The following CNTNAP5 variants were observed in gnomAD, a reference collection of about 807,000 sequenced individuals.
The protein encoded by CNTNAP5 is contactin-associated protein-like 5.
In CNTNAP5, 72 loss-of-function variants were observed where a neutral mutation model predicts 150.2. The ratio of observed to expected loss-of-function variants is 0.48; its 90% CI spans 0.40 to 0.58. The LOEUF is 0.58. CNTNAP5 is among the 20% of genes least tolerant of loss of function. The pLI is 0.00. For synonymous variants in CNTNAP5, 672 were observed against 619.8 expected (o/e 1.08, Z -1.25); for missense variants, 1,636 against 1,626.2 (o/e 1.01, Z -0.10).
chr2:124,215,178 T>A (rs980751061), intron 1 of CNTNAP5, among the ~76,000 whole-genome samples: 1 of 152,186 alleles, frequency 6.6e-6, no homozygotes, highest in South Asian at 2.1e-4. Context: ...AAGTGTGCAA[T>A]GCTAAGAGGA....
chr2:124,223,792 A>G (rs2104743353), intron 2 of CNTNAP5, among the ~76,000 whole-genome samples: 1 of 151,594 alleles, frequency 6.6e-6, no homozygotes, highest in East Asian at 2.0e-4. Flanking sequence ...AGGCTAGCAT[A>G]AATGTACAGA....
At chr2:124,050,389 G>A (rs773801551) in intron 1 of CNTNAP5, among the ~76,000 whole-genome samples, 1 of 151,984 alleles carries the variant, frequency 6.6e-6, no homozygotes, top group Admixed American at 6.6e-5. Flanking sequence ...GCTTGAGTCC[G>A]GGAGGTGGAG....
At chr2:124,359,366 T>C (rs1473926042) in intron 3 of CNTNAP5, among the ~76,000 whole-genome samples, 1 of 151,836 alleles carries the variant, frequency 6.6e-6, no homozygotes, top group Non-Finnish European at 1.5e-5. Flanking sequence ...GTGTTTGCTC[T>C]TGCTTTTCTC....
intron 2 of CNTNAP5, among the ~76,000 whole-genome samples, chr2:124,228,528 C>T (rs746801027): frequency 6.6e-6 from 1 of 152,112 alleles, no homozygotes; most frequent in African/African-American, 2.4e-5. Context: ...TATAAGTTAG[C>T]ATGTGACAAC....
At chr2:124,463,914 G>T (rs1178427246) in intron 6 of CNTNAP5, among the ~76,000 whole-genome samples, 1 of 152,074 alleles carries the variant, frequency 6.6e-6, no homozygotes, top group Non-Finnish European at 1.5e-5. Flanking sequence ...CAGTCAAGCT[G>T]CTAAACCTCT....
intron 1 of CNTNAP5, among the ~76,000 whole-genome samples, chr2:124,100,942 C>T (rs1683049317): frequency 6.6e-6 from 1 of 150,464 alleles, no homozygotes. Flanking sequence ...AATCAAGATT[C>T]TCAATTCTTA....
Position 124,760,512 on chromosome 2 carries a change from T to A in CNTNAP5, c.2235-3160T>A, listed in dbSNP as rs559846779. On this transcript the variant is annotated intron_variant, in intron 14 of 23. Transcript: ENST00000682447. ...TTGGTGAAATACCAAAATTCAGATA[T>A]TTAAACTTAGAGAAGACCACATTGA... Among the ~76,000 whole-genome samples the A allele has an allele frequency of 1.3e-3, 205 of 152,128 alleles. 1 individual carries two copies. Among genetic ancestry groups the A allele is most frequent in the Non-Finnish European group, 2.4e-3 (165 of 67,976 alleles).
chr2:124,356,838 G>C (rs1165820088), intron 3 of CNTNAP5, among the ~76,000 whole-genome samples: 9 of 151,130 alleles, frequency 6.0e-5, no homozygotes, highest in Admixed American at 4.6e-4. Flanking sequence ...GGGATGGCTG[G>C]GTCAAATGGT....
At chr2:124,311,796 T>G (rs1396688700) in intron 3 of CNTNAP5, among the ~76,000 whole-genome samples, 1 of 152,210 alleles carries the variant, frequency 6.6e-6, no homozygotes, top group African/African-American at 2.4e-5. Flanking sequence ...AACTCTATAC[T>G]AGGCTCTGGT....
intron 6 of CNTNAP5, among the ~76,000 whole-genome samples, chr2:124,448,401 G>A (rs180768147): frequency 1.4e-3 from 218 of 152,054 alleles, no homozygotes; most frequent in African/African-American, 5.1e-3. Flanking sequence ...TTTAACTAAA[G>A]GTGCTCTGGA....
intron 1 of CNTNAP5, among the ~76,000 whole-genome samples, chr2:124,106,648 C>G (rs1255886732): frequency 6.6e-6 from 1 of 152,162 alleles, no homozygotes; most frequent in African/African-American, 2.4e-5. Flanking sequence ...TGTTCCTCAG[C>G]TATGTCCTTG....
rs776439837 is a variant in CNTNAP5, at chr2:124,563,217, G to T, written c.1650G>T (p.Arg550Ser). 3.2e-6 allele frequency: 5 copies of T among 1,573,546 alleles called. No homozygotes were observed. The African/African-American group carries it at 5.4e-5, about 17-fold the overall frequency. ...TTTCATTTATGTTTTCTTCCATTAG[G>T]TGTTTGCCAAACTACTGTGAACATG... is the stretch of plus-strand genomic sequence containing the variant. Reference protein sequence around the residue: ...LHIDLCSIKDRCLPNYCEHGG... With the variant: ...LHIDLCSIKDSCLPNYCEHGG... The change falls in exon 11 of 24, where the codon AGG becomes AGT. Residue 550 changes from arginine to serine, a missense_variant and splice_region_variant. Physicochemically the swap from Arg to Ser is moderately radical, Grantham distance 110. Transcript: ENST00000682447.
At chr2:124,845,512 G>A (rs1200338845) in intron 19 of CNTNAP5, among the ~76,000 whole-genome samples, 1 of 151,470 alleles carries the variant, frequency 6.6e-6, no homozygotes, top group Non-Finnish European at 1.5e-5. Flanking sequence ...AGTGATTTAG[G>A]AAGGATGCCT....
intron 10 of CNTNAP5, among the ~76,000 whole-genome samples, chr2:124,548,597 G>A (rs1024922914): frequency 6.6e-6 from 1 of 151,984 alleles, no homozygotes; most frequent in African/African-American, 2.4e-5. Flanking sequence ...TTAGCAATGT[G>A]CAAACCAAAT....
intron 6 of CNTNAP5, among the ~76,000 whole-genome samples, chr2:124,473,044 GAAA>G (rs1177094416): frequency 6.6e-6 from 1 of 151,924 alleles, no homozygotes; most frequent in Non-Finnish European, 1.5e-5. Flanking sequence ...TCTGGTTAAA[GAAA>G]ATATACCAGC....
intron 1 of CNTNAP5, among the ~76,000 whole-genome samples, chr2:124,036,657 G>T (rs1417708762): frequency 6.6e-6 from 1 of 152,134 alleles, no homozygotes; most frequent in East Asian, 1.9e-4. Flanking sequence ...GGAGATTAGA[G>T]ATAAAGTTAA....
intron 13 of CNTNAP5, among the ~76,000 whole-genome samples, chr2:124,675,504 T>C (rs1416359546): frequency 6.6e-6 from 1 of 152,164 alleles, no homozygotes; most frequent in Non-Finnish European, 1.5e-5. Flanking sequence ...TTTCTACTTC[T>C]TTATTGGAGT....
At position 124,122,825 on chromosome 2, in the gene CNTNAP5, T is replaced by C. The variant is rs1481597677; in HGVS notation, c.82+97093T>C. Among the ~76,000 whole-genome samples, 3 of 151,462 alleles carry C rather than the reference T, an allele frequency of 2.0e-5. No homozygotes were observed. The East Asian group carries it at 5.8e-4, about 29-fold the overall frequency. The stretch of plus-strand genomic sequence containing the variant: ...CTTTTCCCAGCTAACAGGGAGCAGA[T>C]TGCTTTTGGAACTGAGGGCTCTTTG... On this transcript the variant is annotated intron_variant, in intron 1 of 23. Transcript: ENST00000682447.
intron 3 of CNTNAP5, among the ~76,000 whole-genome samples, chr2:124,336,565 C>T (rs1488063967): frequency 7.4e-6 from 1 of 135,428 alleles, no homozygotes; most frequent in Non-Finnish European, 1.5e-5. Flanking sequence ...TGATGTTCCC[C>T]TTCCTGTGTC....
Sources: gnomAD v4.1 joint callset for allele counts (sites outside exome capture counted in the v4.1 genomes callset) on GRCh38, gnomAD v4.1.1 for gene constraint, MANE v1.5 for transcripts, NCBI Gene and HGNC (gene_info 2026-07-23, HGNC 2026-07-21) for gene names.